The following KLHL32 variants were observed in gnomAD, a reference collection of about 807,000 sequenced individuals.
The protein encoded by KLHL32 is kelch-like protein 32.
KLHL32 carries 35 observed loss-of-function variants against 64.8 expected under a neutral mutation model. The ratio of observed to expected loss-of-function variants is 0.54; its 90% CI spans 0.41 to 0.72. The LOEUF (loss-of-function observed/expected upper bound fraction) is 0.72. Among genes scored for constraint, KLHL32 ranks in the 30% least tolerant of loss-of-function variants. The pLI is 0.00. For missense variants in KLHL32, 589 were observed against 768.5 expected (o/e 0.77, Z 2.76); for synonymous variants, 259 against 281.0 (o/e 0.92, Z 0.78).
At chr6:97,051,002 TCAAA>T (rs570352044) in intron 4 of KLHL32, among the ~76,000 whole-genome samples, 21 of 152,148 alleles carry the variant, frequency 1.4e-4, no homozygotes, top group East Asian at 1.9e-4. Context: ...AAACTCCATC[TCAAA>T]CAAACAAACA....
intron 1 of KLHL32, among the ~76,000 whole-genome samples, chr6:96,942,907 C>G (rs572168231): frequency 4.5e-4 from 68 of 152,226 alleles, no homozygotes; most frequent in African/African-American, 1.6e-3. Context: ...GTGTAGCAAC[C>G]TGTTCACCTC....
rs571490150 is a variant in KLHL32 at position 96,980,597 on chromosome 6, A to C, written c.204+4420A>C. Among the ~76,000 whole-genome samples the C allele has an allele frequency of 2.0e-5, 3 of 152,250 alleles. No individual in the cohort carries two copies. The East Asian group carries it at 5.8e-4, about 29-fold the overall frequency. On this transcript the variant is annotated intron_variant, in intron 3 of 10. Transcript: ENST00000369261. ...GTTGTGGATTTTTACATTTATGTTC[A>C]TCAAGGATACTGGCCTGAATTTTCT...
intron 6 of KLHL32, among the ~76,000 whole-genome samples, chr6:97,109,796 T>C (rs1210283684): frequency 6.6e-6 from 1 of 152,212 alleles, no homozygotes; most frequent in African/African-American, 2.4e-5. Flanking sequence ...CTGTTTCCGG[T>C]AGTATCTATG....
intron 4 of KLHL32, among the ~76,000 whole-genome samples, chr6:97,044,745 T>G (rs6920766): frequency 0.029 from 4,404 of 152,136 alleles, 191 homozygotes; most frequent in African/African-American, 0.098. Flanking sequence ...CTTGCTAGGT[T>G]GTATGTTTCT....
chr6:97,077,002 A>G (rs769825949), intron 5 of KLHL32, among the ~76,000 whole-genome samples: 3 of 152,222 alleles, frequency 2.0e-5, no homozygotes, highest in African/African-American at 4.8e-5. Context: ...CTGTATATCA[A>G]TCAAAACTTG....
Position 97,125,724 on chromosome 6 carries a change from C to T in KLHL32, c.1355-1680C>T, listed in dbSNP as rs73758117. ...TTGGGAGACTGAGGTTGCAGTGAGC[C>T]GAGGTTGCACCATTGCACTCCAGCC... On this transcript the variant is annotated intron_variant, in intron 7 of 10. Coordinates refer to ENST00000369261, the MANE Select transcript of KLHL32 (RefSeq NM_052904.4). Among the ~76,000 whole-genome samples the T allele has an allele frequency of 9.1e-3, 1,379 of 152,106 alleles. 21 individuals carry two copies. Among genetic ancestry groups the T allele is most frequent in the African/African-American group, 0.032 (1,323 of 41,502 alleles).
chr6:96,924,432 G>C (rs998976633), upstream of KLHL32, among the ~76,000 whole-genome samples: 72 of 149,620 alleles, frequency 4.8e-4, no homozygotes, highest in Non-Finnish European at 8.2e-4. Flanking sequence ...GGGTACTTCC[G>C]GGACCGGCGG....
intron 3 of KLHL32, among the ~76,000 whole-genome samples, chr6:97,003,531 A>T (rs889938202): frequency 3.9e-5 from 6 of 152,070 alleles, no homozygotes; most frequent in African/African-American, 1.2e-4. Flanking sequence ...TTTTGTTGCA[A>T]TTGCTTTCGG....
intron 7 of KLHL32, among the ~76,000 whole-genome samples, chr6:97,123,068 A>T (rs1426359114): frequency 1.3e-5 from 2 of 152,184 alleles, no homozygotes; most frequent in East Asian, 3.9e-4. Context: ...TACGACCCAT[A>T]GACATCTACT....
the KLHL32 span, among the ~76,000 whole-genome samples, chr6:96,909,254 TAGAC>T: frequency 1.3e-5 from 2 of 152,150 alleles, no homozygotes; most frequent in East Asian, 3.9e-4. Flanking sequence ...GTGGTAGAGA[TAGAC>T]AGAAAAAAGA....
intron 1 of KLHL32, among the ~76,000 whole-genome samples, chr6:96,927,881 G>A (rs758670027): frequency 1.3e-5 from 2 of 152,132 alleles, no homozygotes; most frequent in African/African-American, 2.4e-5. Context: ...TCCACTTTTC[G>A]AGCTCTTCTG....
intron 3 of KLHL32, among the ~76,000 whole-genome samples, chr6:97,001,366 TAAA>T (rs987749900): frequency 3.9e-5 from 6 of 152,188 alleles, no homozygotes; most frequent in African/African-American, 1.4e-4. Flanking sequence ...ATTTTTAAAT[TAAA>T]AAAATTTTGT....
chr6:96,967,117 A>G, intron 2 of KLHL32, 34 bp downstream of exon 2: 1 of 1,606,120 alleles, frequency 6.2e-7, no homozygotes, highest in Non-Finnish European at 8.5e-7. Flanking sequence ...CACATGCCGT[A>G]GTGAGCCCTG....
intron 3 of KLHL32, chr6:97,010,176 A>C (rs1254684147): frequency 6.6e-6 from 1 of 150,760 alleles, no homozygotes; most frequent in Non-Finnish European, 1.5e-5. Flanking sequence ...AAATATTTAT[A>C]GGACACTCTA....
intron 3 of KLHL32, chr6:96,999,599 A>T (rs2128075713): frequency 1.3e-6 from 1 of 763,020 alleles, no homozygotes; most frequent in South Asian, 6.0e-5. Context: ...TCTTTTTCTG[A>T]TGACAACTTT....
chr6:96,954,388 C>T (rs963236511), intron 1 of KLHL32, among the ~76,000 whole-genome samples: 1 of 127,920 alleles, frequency 7.8e-6, no homozygotes, highest in East Asian at 2.3e-4. Context: ...GATATTCACT[C>T]ATATTAAAGA....
At chr6:97,113,614 G>A (rs1041751442) in intron 6 of KLHL32, among the ~76,000 whole-genome samples, 169 bp from the exon 7 acceptor site, 1 of 152,016 alleles carries the variant, frequency 6.6e-6, no homozygotes. Flanking sequence ...TTGCTGAGAC[G>A]GAAAAAAAGT....
intron 3 of KLHL32, among the ~76,000 whole-genome samples, chr6:97,040,405 A>G (rs921705146): frequency 6.6e-6 from 1 of 151,968 alleles, no homozygotes; most frequent in Non-Finnish European, 1.5e-5. Flanking sequence ...TTTGCAGTAA[A>G]TTGGCCATTT....
chr6:96,927,328 A>G (rs1201063655), intron 1 of KLHL32, among the ~76,000 whole-genome samples: 2 of 152,250 alleles, frequency 1.3e-5, no homozygotes, highest in Admixed American at 6.5e-5. Context: ...ATGTCTGATT[A>G]AAGTGTTAGA....
Sources: gnomAD v4.1 joint callset for allele counts (sites outside exome capture counted in the v4.1 genomes callset) on GRCh38, gnomAD v4.1.1 for gene constraint, MANE v1.5 for transcripts, NCBI Gene and HGNC (gene_info 2026-07-23, HGNC 2026-07-21) for gene names.